The following EPHB1 variants were observed in gnomAD, a reference collection of about 807,000 sequenced individuals.
The protein encoded by EPHB1 is EPH receptor B1, also known as ephrin type-B receptor 1.
A neutral mutation model predicts 94.4 loss-of-function variants in EPHB1; 30 were observed. The observed-to-expected ratio is 0.32, with a 90% CI of 0.24 to 0.43. The LOEUF is 0.43. Ranked by LOEUF, EPHB1 falls within the 20% of genes least tolerant of loss-of-function variation. The pLI is 1.00. For missense variants in EPHB1, 1,055 were observed against 1,308.3 expected (o/e 0.81, Z 2.99); for synonymous variants, 522 against 489.1 (o/e 1.07, Z -0.89).
chr3:134,951,709 G>C lies in EPHB1; in HGVS notation c.462G>C (p.Arg154Ser). The change falls in exon 3 of 16, where the codon AGG (arginine) becomes AGC (serine). Residue 154 changes from arginine to serine, a missense_variant. Transcript: ENST00000398015. The surrounding 1 kb of genome is among the most constrained non-coding windows in gnomAD (Gnocchi z 4.5). ...ESFSQVDFGG[R>S]LMKVNTEVRS... ...TCTCCCAGGTGGACTTTGGGGGAAG[G>C]CTGATGAAGGTAAACACAGAAGTCA... The C allele has an allele frequency of 6.2e-7, 1 of 1,614,102 alleles. No individual in the cohort carries two copies. Among genetic ancestry groups the C allele is most frequent in the Non-Finnish European group, 8.5e-7 (1 of 1,179,968 alleles).
At chr3:134,850,943 G>A (rs938869486) in intron 1 of EPHB1, among the ~76,000 whole-genome samples, 2 of 152,258 alleles carry the variant, frequency 1.3e-5, no homozygotes, top group African/African-American at 4.8e-5. Context: ...AGATGCAGCT[G>A]GAAGGGAAAT....
chr3:135,174,917 C>T (rs1941931661), intron 9 of EPHB1, among the ~76,000 whole-genome samples: 1 of 152,172 alleles, frequency 6.6e-6, no homozygotes, highest in Non-Finnish European at 1.5e-5. Context: ...ACCTCTGAAA[C>T]CATACTGTGG....
In EPHB1 at chr3:135,208,495, A is replaced by C. The variant is rs530101618; in HGVS notation, c.2346+6806A>C. 3.1e-3 allele frequency among the ~76,000 whole-genome samples: 465 copies of C among 152,270 alleles called. 6 individuals are homozygous for C. The highest frequency in any genetic ancestry group is 2.4e-3 in the Non-Finnish European group (166 of 68,026). ...GGATTTCTTCCTGTTTTCTTTCACC[A>C]AAAAGCCATTAAGCAGACTCAACCA... On this transcript the variant is annotated intron_variant, in intron 12 of 15. Coordinates refer to ENST00000398015, the MANE Select transcript of EPHB1 (RefSeq NM_004441.5).
chr3:135,056,657 C>A (rs1937358691), intron 3 of EPHB1, among the ~76,000 whole-genome samples: 1 of 152,268 alleles, frequency 6.6e-6, no homozygotes, highest in African/African-American at 2.4e-5. Flanking sequence ...TTAAATTCAT[C>A]TCTCTATTCT....
chr3:135,254,484 G>T (rs951157187), intron 15 of EPHB1, among the ~76,000 whole-genome samples: 2 of 145,416 alleles, frequency 1.4e-5, no homozygotes, highest in African/African-American at 5.1e-5. Flanking sequence ...TGTGGTTTTT[G>T]TCTTTGGCTC....
intron 6 of EPHB1, 46 bp from the exon 7 acceptor site, chr3:135,161,972 A>G (rs762434651): frequency 5.1e-6 from 8 of 1,563,790 alleles, no homozygotes; most frequent in Admixed American, 1.8e-5. Flanking sequence ...CTGGGGGTGT[A>G]GCCTTCAGGA....
intron 3 of EPHB1, among the ~76,000 whole-genome samples, chr3:135,036,383 G>A (rs764259997): frequency 3.9e-5 from 6 of 152,180 alleles, no homozygotes; most frequent in South Asian, 2.1e-4. Flanking sequence ...CATCCAAACC[G>A]GTCAGGATGG....
chr3:135,012,635 T>C (rs1935660180), intron 3 of EPHB1, among the ~76,000 whole-genome samples: 1 of 152,242 alleles, frequency 6.6e-6, no homozygotes, highest in Non-Finnish European at 1.5e-5. Flanking sequence ...TTAGTTGGCA[T>C]ATTTCTTTCT....
chr3:135,030,125 C>A (rs1420773214), intron 3 of EPHB1, among the ~76,000 whole-genome samples: 2 of 151,636 alleles, frequency 1.3e-5, no homozygotes, highest in Admixed American at 6.6e-5. Flanking sequence ...ATACATTCTT[C>A]TAAATTTTTT....
intron 1 of EPHB1, among the ~76,000 whole-genome samples, chr3:134,796,999 G>C (rs965278476): frequency 1.3e-5 from 2 of 152,264 alleles, no homozygotes; most frequent in Non-Finnish European, 2.9e-5. Flanking sequence ...TGGAAGTGAA[G>C]CTGGAGGGGC....
intron 3 of EPHB1, among the ~76,000 whole-genome samples, chr3:135,047,194 G>C (rs886851391): frequency 6.6e-6 from 1 of 152,192 alleles, no homozygotes; most frequent in Admixed American, 6.5e-5. Context: ...CCTGATGGAG[G>C]GAGAGAGAGG....
chr3:135,105,253 A>C (rs1051183978), intron 3 of EPHB1, among the ~76,000 whole-genome samples: 6 of 152,334 alleles, frequency 3.9e-5, no homozygotes, highest in Admixed American at 3.3e-4. Context: ...ATATGACTTC[A>C]TTGGATCAAG....
intron 3 of EPHB1, among the ~76,000 whole-genome samples, chr3:134,985,719 C>T (rs1236923830): frequency 1.3e-5 from 2 of 152,116 alleles, no homozygotes; most frequent in South Asian, 2.1e-4. Context: ...AGAAAACCCT[C>T]ACTAAATATT....
intron 1 of EPHB1, among the ~76,000 whole-genome samples, chr3:134,825,964 G>A (rs943125083): frequency 5.9e-5 from 9 of 151,936 alleles, no homozygotes; most frequent in Non-Finnish European, 1.2e-4. Context: ...AATTGAGACT[G>A]GGTGCGGTGG....
intron 2 of EPHB1, among the ~76,000 whole-genome samples, chr3:134,950,526 C>A (rs1932985357): frequency 6.6e-6 from 1 of 152,152 alleles, no homozygotes. Flanking sequence ...AGCATAGTGC[C>A]AGCATCTACT....
At chr3:135,232,175 T>G (rs1487856057) in intron 12 of EPHB1, among the ~76,000 whole-genome samples, 1 of 152,242 alleles carries the variant, frequency 6.6e-6, no homozygotes, top group African/African-American at 2.4e-5. Context: ...ATGAGTCTTG[T>G]CTGGAAAAAT....
chr3:135,015,431 G>A (rs1041779939), intron 3 of EPHB1, among the ~76,000 whole-genome samples: 1 of 152,068 alleles, frequency 6.6e-6, no homozygotes, highest in African/African-American at 2.4e-5. Flanking sequence ...TAGTAGAGAC[G>A]GGGTTTCACC....
intron 1 of EPHB1, among the ~76,000 whole-genome samples, chr3:134,885,475 T>C (rs1337105834): frequency 6.6e-6 from 1 of 152,194 alleles, no homozygotes; most frequent in East Asian, 1.9e-4. Context: ...TTGCAGTTCC[T>C]TGCAGGAAAC....
intron 1 of EPHB1, among the ~76,000 whole-genome samples, chr3:134,837,683 T>A (rs750641534): frequency 6.6e-6 from 1 of 152,168 alleles, no homozygotes; most frequent in Admixed American, 6.5e-5. Flanking sequence ...TAGAAAGGCA[T>A]GGTTTGCCAA....
Sources: gnomAD v4.1 joint callset for allele counts (sites outside exome capture counted in the v4.1 genomes callset) on GRCh38, gnomAD v4.1.1 for gene constraint, Gnocchi (gnomAD v3.1) non-coding constraint, MANE v1.5 for transcripts, NCBI Gene and HGNC (gene_info 2026-07-23, HGNC 2026-07-21) for gene names.